The following NEGR1 variants were observed in gnomAD, a reference collection of about 807,000 sequenced individuals.
NEGR1 encodes the protein IgLON family member 4.
In NEGR1, 10 loss-of-function variants were observed where a neutral mutation model predicts 40.9. The observed-to-expected ratio is 0.24, with a 90% CI of 0.15 to 0.42. NEGR1 has a LOEUF of 0.42. Among genes scored for constraint, NEGR1 ranks in the 10% least tolerant of loss-of-function variants. The pLI is 1.00. For missense variants in NEGR1, 352 were observed against 438.9 expected, an observed-to-expected ratio of 0.80 and a Z score of 1.77; for synonymous variants, 185 against 166.8, an observed-to-expected ratio of 1.11 and a Z score of -0.84.
At chr1:71,773,869 A>G (rs977792565) in intron 3 of NEGR1, among the ~76,000 whole-genome samples, 7 of 152,162 alleles carry the variant, frequency 4.6e-5, no homozygotes, top group African/African-American at 1.7e-4. Flanking sequence ...CAACATTCCT[A>G]TTTAATTAAA....
rs75070049 is a variant in NEGR1, at chr1:71,549,586, G to A, written c.940+43231C>T. Among the ~76,000 whole-genome samples the A allele has an allele frequency of 1.1e-3, 172 of 151,680 alleles. 1 individual carries two copies. Among genetic ancestry groups the A allele is most frequent in the African/African-American group, 4.0e-3 (166 of 41,478 alleles). The stretch of plus-strand genomic sequence containing the variant: ...TTTATTTTATAGATGAGGAAACTAC[G>A]GCACAGTGCAGTAAAGGGATCTTCC... On this transcript the variant is annotated intron_variant, in intron 6 of 6. Transcript: ENST00000357731.
chr1:71,776,823 G>T (rs905674778), intron 2 of NEGR1, among the ~76,000 whole-genome samples: 1 of 152,022 alleles, frequency 6.6e-6, no homozygotes, highest in Non-Finnish European at 1.5e-5. Context: ...CAGGTAGTAG[G>T]GCTAGACTTT....
intron 5 of NEGR1, among the ~76,000 whole-genome samples, chr1:71,596,457 A>T (rs1649715745): frequency 6.6e-6 from 1 of 152,228 alleles, no homozygotes; most frequent in Non-Finnish European, 1.5e-5. Context: ...GAAGTAGCAC[A>T]TGGAAAGCCT....
At chr1:72,177,260 A>G (rs181524536) in intron 1 of NEGR1, among the ~76,000 whole-genome samples, 2 of 152,212 alleles carry the variant, frequency 1.3e-5, no homozygotes, top group East Asian at 3.9e-4. Flanking sequence ...CGACAGAGTA[A>G]GGATTCAAAG....
intron 6 of NEGR1, among the ~76,000 whole-genome samples, chr1:71,461,380 C>G (rs994287674): frequency 2.0e-5 from 3 of 151,956 alleles, no homozygotes; most frequent in Non-Finnish European, 4.4e-5. Context: ...AAATTAACAC[C>G]CTGAATTTGG....
intron 1 of NEGR1, among the ~76,000 whole-genome samples, chr1:71,975,284 C>T (rs895935000): frequency 1.3e-5 from 2 of 152,070 alleles, no homozygotes; most frequent in African/African-American, 4.8e-5. Flanking sequence ...TGGTGTATTT[C>T]TTCTGATTTC....
intron 5 of NEGR1, among the ~76,000 whole-genome samples, chr1:71,607,638 T>C (rs1292269791): frequency 2.0e-5 from 3 of 152,252 alleles, no homozygotes; most frequent in Non-Finnish European, 4.4e-5. Context: ...CTTAGAACAC[T>C]ACCTGTCCAA....
At chr1:71,659,356 A>G (rs1651979976) in intron 4 of NEGR1, among the ~76,000 whole-genome samples, 1 of 152,130 alleles carries the variant, frequency 6.6e-6, no homozygotes, top group South Asian at 2.1e-4. Context: ...TTAAGTGTAA[A>G]ACACAAAACT....
At chr1:71,932,298 GT>G (rs375129438) in intron 2 of NEGR1, among the ~76,000 whole-genome samples, 2,029 of 150,156 alleles carry the variant, frequency 0.014, 43 homozygotes, top group African/African-American at 0.047. Context: ...TATTTGTTTT[GT>G]TTTTTTTTGT....
intron 1 of NEGR1, among the ~76,000 whole-genome samples, chr1:72,061,666 GC>G (rs1490372659): frequency 6.6e-6 from 1 of 151,732 alleles, no homozygotes; most frequent in Non-Finnish European, 1.5e-5. Context: ...AGGGGGAATA[GC>G]TTTTAAAAAC....
chr1:72,138,926 T>C (rs758566402), intron 1 of NEGR1, among the ~76,000 whole-genome samples: 2 of 152,036 alleles, frequency 1.3e-5, no homozygotes, highest in Non-Finnish European at 2.9e-5. Flanking sequence ...ATGAATTATG[T>C]ATAAAGATAC....
chr1:72,194,118 A>G (rs1166714154), intron 1 of NEGR1, among the ~76,000 whole-genome samples: 2 of 151,922 alleles, frequency 1.3e-5, no homozygotes, highest in Admixed American at 6.6e-5. Context: ...AAAATTAAAC[A>G]ATTGAATTTA....
At chr1:72,092,979 G>A (rs1387325522) in intron 1 of NEGR1, among the ~76,000 whole-genome samples, 1 of 152,040 alleles carries the variant, frequency 6.6e-6, no homozygotes, top group African/African-American at 2.4e-5. Context: ...TTATTGGTGA[G>A]TCTAATTTTA....
At chr1:71,797,043 G>A (rs142314602) in intron 2 of NEGR1, among the ~76,000 whole-genome samples, 158 of 152,216 alleles carry the variant, frequency 1.0e-3, no homozygotes, top group Non-Finnish European at 1.5e-3. Flanking sequence ...TCATTAAAGA[G>A]GAGAAGGACT....
chr1:71,501,947 A>G (rs1055216289), intron 6 of NEGR1, among the ~76,000 whole-genome samples: 1 of 152,226 alleles, frequency 6.6e-6, no homozygotes, highest in African/African-American at 2.4e-5. Flanking sequence ...TTTTTTGTCC[A>G]ACTTTCTGAA....
At chr1:72,157,591 G>GT (rs1449469533) in intron 1 of NEGR1, among the ~76,000 whole-genome samples, 1 of 152,046 alleles carries the variant, frequency 6.6e-6, no homozygotes, top group African/African-American at 2.4e-5. Flanking sequence ...TAAAAGCATT[G>GT]TTTTTAATAT....
At chr1:71,467,806 ATTCTAAGTAT>A (rs1387679909) in intron 6 of NEGR1, among the ~76,000 whole-genome samples, 3 of 152,060 alleles carry the variant, frequency 2.0e-5, no homozygotes, top group African/African-American at 4.8e-5. Context: ...GCACATTTAA[ATTCTAAGTAT>A]TTGGTGGTAA....
chr1:72,280,461 C>A (rs1394858313), intron 1 of NEGR1, among the ~76,000 whole-genome samples: 1 of 152,312 alleles, frequency 6.6e-6, no homozygotes, highest in Non-Finnish European at 1.5e-5. Flanking sequence ...TGTTTGCAAT[C>A]TCTGAAGATA....
At chr1:71,483,232 GA>G (rs199541210) in intron 6 of NEGR1, among the ~76,000 whole-genome samples, 7 of 147,366 alleles carry the variant, frequency 4.8e-5, no homozygotes, top group South Asian at 2.1e-4. Flanking sequence ...GTGGCAAACA[GA>G]AAAAAAAAAT....
Sources: allele counts gnomAD v4.1 joint callset (sites outside exome capture counted in the v4.1 genomes callset), GRCh38; gene constraint gnomAD v4.1.1; transcripts MANE v1.5; gene names NCBI Gene and HGNC (gene_info 2026-07-23, HGNC 2026-07-21).